The following EPHA6 variants were observed in gnomAD, a reference collection of about 807,000 sequenced individuals.
The protein encoded by EPHA6 is ephrin type-A receptor 6.
A neutral mutation model predicts 112.0 loss-of-function variants in EPHA6; 50 were observed. That is an observed-to-expected ratio of 0.45 (90% CI 0.36 to 0.56). EPHA6 has a LOEUF of 0.56. Ranked by LOEUF, EPHA6 falls within the 20% of genes least tolerant of loss-of-function variation. The pLI is 0.00. For synonymous variants in EPHA6, 529 were observed against 490.7 expected, an observed-to-expected ratio of 1.08 and a Z score of -1.03; for missense variants, 1,280 against 1,417.4, an observed-to-expected ratio of 0.90 and a Z score of 1.56.
intron 10 of EPHA6, among the ~76,000 whole-genome samples, chr3:97,497,297 C>T (rs2092005806): frequency 6.6e-6 from 1 of 152,158 alleles, no homozygotes; most frequent in Non-Finnish European, 1.5e-5. Flanking sequence ...CCTCAACTTT[C>T]TACATGCACT....
At chr3:97,375,003 G>A (rs745338119) in intron 5 of EPHA6, among the ~76,000 whole-genome samples, 12 of 152,032 alleles carry the variant, frequency 7.9e-5, no homozygotes, top group South Asian at 4.1e-4. Context: ...TGTGTCCAGC[G>A]CATGCTAGCA....
At chr3:97,214,709 T>C (rs556073857) in intron 3 of EPHA6, among the ~76,000 whole-genome samples, 1 of 152,166 alleles carries the variant, frequency 6.6e-6, no homozygotes, top group Non-Finnish European at 1.5e-5. Context: ...ATGTTTGTAA[T>C]TTGATTATTC....
chr3:96,994,726 T>TAGAGAGAGAGAGAGAG (rs1283627504), intron 3 of EPHA6, among the ~76,000 whole-genome samples: 1 of 78,290 alleles, frequency 1.3e-5, no homozygotes, highest in Non-Finnish European at 2.4e-5. Flanking sequence ...TATATATATA[T>TAGAGAGAGAGAGAGAG]ATATATAGAG....
intron 5 of EPHA6, among the ~76,000 whole-genome samples, chr3:97,343,257 T>A (rs1221836747): frequency 6.6e-6 from 1 of 152,116 alleles, no homozygotes; most frequent in Non-Finnish European, 1.5e-5. Flanking sequence ...AGAGGCAATG[T>A]TGTAAAGTAG....
intron 2 of EPHA6, among the ~76,000 whole-genome samples, chr3:96,888,984 C>T (rs1360563321): frequency 4.6e-5 from 7 of 152,068 alleles, no homozygotes; most frequent in East Asian, 3.9e-4. Flanking sequence ...AAATTTCTTC[C>T]GCCAGATACC....
intron 13 of EPHA6, among the ~76,000 whole-genome samples, chr3:97,619,446 C>G (rs1330642050): frequency 8.0e-6 from 1 of 124,478 alleles, no homozygotes; most frequent in Non-Finnish European, 1.8e-5. Context: ...GGGGGGGGGG[C>G]ATCCAAATAG....
intron 6 of EPHA6, among the ~76,000 whole-genome samples, chr3:97,434,902 T>G (rs1397357562): frequency 7.8e-6 from 1 of 128,034 alleles, no homozygotes; most frequent in African/African-American, 2.9e-5. Context: ...CCACCCTCCC[T>G]ACCCCTTATT....
intron 3 of EPHA6, among the ~76,000 whole-genome samples, chr3:97,101,720 A>T (rs2047408834): frequency 6.6e-6 from 1 of 152,090 alleles, no homozygotes; most frequent in African/African-American, 2.4e-5. Context: ...TATGTGGATT[A>T]TCAAACTCTA....
chr3:97,053,636 G>A (rs571457648), intron 3 of EPHA6, among the ~76,000 whole-genome samples: 2 of 152,158 alleles, frequency 1.3e-5, no homozygotes, highest in African/African-American at 4.8e-5. Flanking sequence ...CTTAATATGA[G>A]CCACTGAGTC....
At position 96,987,682 on chromosome 3, in the gene EPHA6, G is replaced by A. The variant is rs1373473139; in HGVS notation, c.803G>A (p.Arg268His). The A allele has an allele frequency of 3.1e-6, 5 of 1,606,266 alleles. No homozygotes were observed. Among genetic ancestry groups the A allele is most frequent in the Admixed American group, 3.4e-5 (2 of 59,626 alleles). Residue 268 changes from arginine (R) to histidine (H), a missense_variant, in exon 3 of 18, where the codon CGT (arginine) becomes CAT (histidine). Coordinates refer to ENST00000389672, the MANE Select transcript of EPHA6 (RefSeq NM_001080448.3). ...ATCCTCAAACTCAACACTGAAATTC[G>A]TGAGGTGGGGCCTATAGAAAGGAAA... ...DRILKLNTEI[R>H]EVGPIERKGF... is the part of the protein sequence containing the mutation.
At chr3:97,259,803 CT>C (rs67059864) in intron 5 of EPHA6, among the ~76,000 whole-genome samples, 6,359 of 138,428 alleles carry the variant, frequency 0.046, 377 homozygotes, top group African/African-American at 0.15. Flanking sequence ...GAAAGTATAC[CT>C]TTTTTTTTTT....
intron 15 of EPHA6, among the ~76,000 whole-genome samples, chr3:97,730,325 A>G (rs750232992): frequency 2.0e-5 from 3 of 152,106 alleles, no homozygotes; most frequent in African/African-American, 7.2e-5. Context: ...TGTGATGTCA[A>G]TGTCAAGAAA....
chr3:97,202,230 T>G (rs1293757243), intron 3 of EPHA6, among the ~76,000 whole-genome samples: 2 of 152,046 alleles, frequency 1.3e-5, no homozygotes. Context: ...AAGATAATAT[T>G]TATAGTAGAG....
At chr3:97,085,231 CA>C (rs1295062105) in intron 3 of EPHA6, among the ~76,000 whole-genome samples, 2 of 152,054 alleles carry the variant, frequency 1.3e-5, no homozygotes, top group African/African-American at 2.4e-5. Context: ...AGTCATAATA[CA>C]AAACTTAATT....
At chr3:97,001,026 A>ATATATATATATATATATATG (rs1326617953) in intron 3 of EPHA6, among the ~76,000 whole-genome samples, 1 of 148,628 alleles carries the variant, frequency 6.7e-6, no homozygotes, top group Non-Finnish European at 1.5e-5. Flanking sequence ...TGATATATAT[A>ATATATATATATATATATATG]TATATGCATG....
At chr3:97,105,081 A>G (rs752143574) in intron 3 of EPHA6, among the ~76,000 whole-genome samples, 1 of 151,730 alleles carries the variant, frequency 6.6e-6, no homozygotes, top group Non-Finnish European at 1.5e-5. Context: ...TATTCATTAA[A>G]AAAAAACTCC....
intron 15 of EPHA6, among the ~76,000 whole-genome samples, chr3:97,722,245 G>T (rs553191425): frequency 1.3e-5 from 2 of 152,208 alleles, no homozygotes; most frequent in East Asian, 1.9e-4. Flanking sequence ...ATATTTATTT[G>T]CAGATTATAT....
At chr3:96,868,196 G>A (rs545188509) in intron 2 of EPHA6, among the ~76,000 whole-genome samples, 1 of 145,512 alleles carries the variant, frequency 6.9e-6, no homozygotes, top group South Asian at 2.1e-4. Context: ...GAGACAGAGT[G>A]TGTGTGTGTG....
At chr3:96,949,981 G>A (rs1408960056) in intron 2 of EPHA6, among the ~76,000 whole-genome samples, 3 of 152,060 alleles carry the variant, frequency 2.0e-5, no homozygotes, top group African/African-American at 7.2e-5. Flanking sequence ...AAGTCTTTGT[G>A]TCCTTACTTT....
Sources: allele counts gnomAD v4.1 joint callset (sites outside exome capture counted in the v4.1 genomes callset), GRCh38; gene constraint gnomAD v4.1.1; transcripts MANE v1.5; gene names NCBI Gene and HGNC (gene_info 2026-07-23, HGNC 2026-07-21).